COL25A1: variants seen among roughly 807,000 people sequenced by gnomAD.
COL25A1 encodes collagen alpha-1(XXV) chain.
Under a neutral mutation model 128.4 loss-of-function variants are expected in COL25A1, and 103 were observed. The observed-to-expected ratio is 0.80, with a 90% CI of 0.68 to 0.94. The LOEUF (loss-of-function observed/expected upper bound fraction) is 0.94. Ranked by LOEUF, COL25A1 falls within the 40% of genes least tolerant of loss-of-function variation. COL25A1 has a pLI of 0.00. For synonymous variants in COL25A1, 279 were observed against 277.2 expected (o/e 1.01, Z -0.06); for missense variants, 745 against 840.0 (o/e 0.89, Z 1.40).
In COL25A1 at chr4:109,074,892, G is replaced by A. The variant is rs532377248; in HGVS notation, c.368-24713C>T. Among the ~76,000 whole-genome samples, 19 of 152,206 alleles carry A rather than the reference G, an allele frequency of 1.2e-4. No homozygotes were observed. The East Asian group carries it at 1.9e-3, about 15-fold the overall frequency. On this transcript the variant is annotated intron_variant, in intron 3 of 37. Transcript: ENST00000399132. ...CTTAATAAGATTGTAAGAAGTATGC[G>A]CATGACTTAAGAATTGGTAACATAA... is the stretch of plus-strand genomic sequence containing the variant.
intron 8 of COL25A1, among the ~76,000 whole-genome samples, chr4:108,955,878 G>C (rs1036750000): frequency 2.6e-5 from 4 of 152,122 alleles, no homozygotes. Flanking sequence ...ACAAATACTG[G>C]TGTATTAAAT....
intron 3 of COL25A1, among the ~76,000 whole-genome samples, chr4:109,192,593 G>A (rs942064123): frequency 1.3e-5 from 2 of 152,192 alleles, no homozygotes; most frequent in African/African-American, 2.4e-5. Flanking sequence ...AGTGGCTCGC[G>A]CCTATAATCC....
At chr4:109,085,712 T>C (rs947636297) in intron 3 of COL25A1, among the ~76,000 whole-genome samples, 3 of 152,216 alleles carry the variant, frequency 2.0e-5, no homozygotes, top group Admixed American at 6.5e-5. Context: ...TTCTCCTCCC[T>C]TTGGGGATTT....
chr4:109,036,037 C>T (rs1218920323), intron 5 of COL25A1, among the ~76,000 whole-genome samples: 2 of 152,034 alleles, frequency 1.3e-5, no homozygotes, highest in African/African-American at 4.8e-5. Context: ...ATGCCATTCT[C>T]CTGCCTCAGT....
chr4:109,068,790 T>A (rs1309097379), intron 3 of COL25A1, among the ~76,000 whole-genome samples: 1 of 152,164 alleles, frequency 6.6e-6, no homozygotes, highest in Non-Finnish European at 1.5e-5. Context: ...ATTAGAGACC[T>A]TACTATGGCC....
intron 3 of COL25A1, among the ~76,000 whole-genome samples, chr4:109,296,595 A>T (rs1241855711): frequency 6.6e-6 from 1 of 152,122 alleles, no homozygotes; most frequent in Non-Finnish European, 1.5e-5. Flanking sequence ...CTTCAAAATC[A>T]TTCTTGTCCA....
At chr4:108,814,378 C>T (rs1400474301) in intron 37 of COL25A1, among the ~76,000 whole-genome samples, 1 of 152,168 alleles carries the variant, frequency 6.6e-6, no homozygotes, top group African/African-American at 2.4e-5. Flanking sequence ...GTTTACGTCA[C>T]CAACACCTGA....
At position 109,019,959 on chromosome 4, in the gene COL25A1, G is replaced by A. The variant is rs757796885; in HGVS notation, c.421-9584C>T. Among the ~76,000 whole-genome samples the A allele has an allele frequency of 9.9e-5, 15 of 152,120 alleles. No homozygotes were observed. The South Asian group carries it at 1.5e-3, about 15-fold the overall frequency. ...TGAAAATATTATATCAAATTACTTC[G>A]TAAATTATGCTCTGTAAGTACTGCA... On this transcript the variant is annotated intron_variant, in intron 5 of 37. Transcript: ENST00000399132.
chr4:108,959,743 G>A (rs1456752810), intron 8 of COL25A1, among the ~76,000 whole-genome samples: 1 of 152,116 alleles, frequency 6.6e-6, no homozygotes, highest in African/African-American at 2.4e-5. Flanking sequence ...CCACAGACCA[G>A]TATAGAGTTA....
intron 19 of COL25A1, among the ~76,000 whole-genome samples, chr4:108,876,476 C>T (rs1349210180): frequency 6.6e-6 from 1 of 151,770 alleles, no homozygotes; most frequent in Non-Finnish European, 1.5e-5. Context: ...TTTATGTGTC[C>T]TGGAAATCTC....
Position 109,230,718 on chromosome 4 carries a change from A to G in COL25A1, c.367+69865T>C, listed in dbSNP as rs183073342. 5.9e-5 allele frequency among the ~76,000 whole-genome samples: 9 copies of G among 152,386 alleles called. No individual in the cohort carries two copies. The East Asian group carries it at 1.5e-3, about 26-fold the overall frequency. The stretch of plus-strand genomic sequence containing the variant: ...AAATAATAAAAAAGCACATTCAAAC[A>G]GACATTTGAATTAGCGGTACAGAGA... On this transcript the variant is annotated intron_variant, in intron 3 of 37. Transcript: ENST00000399132.
intron 3 of COL25A1, among the ~76,000 whole-genome samples, chr4:109,166,910 A>C (rs1773124226): frequency 6.6e-6 from 1 of 152,158 alleles, no homozygotes; most frequent in African/African-American, 2.4e-5. Context: ...AGTTTCTTTC[A>C]TCCTAGTTAG....
At chr4:109,136,355 T>C (rs1769763407) in intron 3 of COL25A1, among the ~76,000 whole-genome samples, 1 of 152,118 alleles carries the variant, frequency 6.6e-6, no homozygotes, top group Non-Finnish European at 1.5e-5. Flanking sequence ...GCCGAGATCA[T>C]GACATTGCAC....
chr4:109,268,532 TC>T (rs1781948772), intron 3 of COL25A1, among the ~76,000 whole-genome samples: 1 of 152,134 alleles, frequency 6.6e-6, no homozygotes, highest in Non-Finnish European at 1.5e-5. Flanking sequence ...ACCTTTCTGT[TC>T]CTGTACAATG....
chr4:109,199,246 T>C (rs938085659), intron 3 of COL25A1, among the ~76,000 whole-genome samples: 2 of 152,232 alleles, frequency 1.3e-5, no homozygotes, highest in African/African-American at 4.8e-5. Flanking sequence ...CAAAATCTAA[T>C]AGATCCCTGT....
intron 3 of COL25A1, among the ~76,000 whole-genome samples, chr4:109,219,966 G>C (rs1778299321): frequency 1.3e-5 from 2 of 149,882 alleles, no homozygotes; most frequent in Middle Eastern, 3.4e-3. Context: ...TGTGCTTAAT[G>C]AGATGGAAAA....
At chr4:109,141,916 CTCTA>C (rs542153597) in intron 3 of COL25A1, among the ~76,000 whole-genome samples, 235 of 152,264 alleles carry the variant, frequency 1.5e-3, no homozygotes, top group African/African-American at 5.3e-3. Flanking sequence ...TTTTCCATGT[CTCTA>C]TCTACTTCAG....
In COL25A1 at chr4:108,868,942, AAG is replaced by A. The variant is rs1052173782; in HGVS notation, c.1083+144_1083+145del. On this transcript the variant is annotated intron_variant, in intron 20 of 37. Transcript: ENST00000399132. ...GAGAAAGAAAAGAAGGAAGGAAAGA[AAG>A]AAAAGAAAGAAAGAAAAAGGAAAGA... is the stretch of plus-strand genomic sequence containing the variant. 11 of 560,736 alleles carry A rather than the reference AAG, an allele frequency of 2.0e-5. No homozygotes were observed. The African/African-American group carries it at 2.2e-4, about 11-fold the overall frequency. The allele number at this position is 560,736 out of a possible 1,614,324, so 34.7% of individuals were successfully genotyped here. A position where few individuals can be genotyped will look rare whatever the true frequency, so the allele number is the denominator to read the frequency against.
chr4:109,235,923 G>A (rs971014475), intron 3 of COL25A1, among the ~76,000 whole-genome samples: 1 of 151,890 alleles, frequency 6.6e-6, no homozygotes, highest in African/African-American at 2.4e-5. Context: ...GTTAGCTCTA[G>A]GTGGAATCTC....
Sources: allele counts gnomAD v4.1 joint callset (sites outside exome capture counted in the v4.1 genomes callset), GRCh38; gene constraint gnomAD v4.1.1; transcripts MANE v1.5; gene names NCBI Gene and HGNC (gene_info 2026-07-23, HGNC 2026-07-21).